Variants in C1orf185 observed in about 807,000 individuals in gnomAD.
C1orf185 encodes the protein chromosome 1 open reading frame 185, also known as uncharacterized protein C1orf185.
In C1orf185, 13 loss-of-function variants were observed where a neutral mutation model predicts 16.1. That is an observed-to-expected ratio of 0.81 (90% CI 0.53 to 1.28). The LOEUF is 1.28. C1orf185 is among the 50% of genes most tolerant of loss of function. The pLI is 0.00. For missense variants in C1orf185, 220 were observed against 225.2 expected (o/e 0.98, Z 0.15); for synonymous variants, 80 against 76.9 (o/e 1.04, Z -0.21).
rs141871999 is a variant in C1orf185 at position 51,139,435 on chromosome 1, C to A, written c.259-6289C>A. Among the ~76,000 whole-genome samples the A allele has an allele frequency of 3.9e-3, 596 of 152,174 alleles. 1 individual carries two copies. The highest frequency in any genetic ancestry group is 0.014 in the African/African-American group (573 of 41,518). The stretch of plus-strand genomic sequence containing the variant: ...TCTTTCCTATACTGTGCTGTCAGAC[C>A]TTTGTATCAAGGTTATGCTAGGTTC... On this transcript the variant is annotated intron_variant, in intron 3 of 4. Coordinates refer to ENST00000371759, the MANE Select transcript of C1orf185 (RefSeq NM_001136508.2).
intron 3 of C1orf185, chr1:51,129,791 G>C (rs1646269730): frequency 6.6e-6 from 1 of 152,196 alleles, no homozygotes; most frequent in Non-Finnish European, 1.5e-5. Context: ...AGCAGAGAGA[G>C]CAAGAGCGCA....
At chr1:51,136,307 C>G (rs758334194) in intron 3 of C1orf185, among the ~76,000 whole-genome samples, 5 of 151,088 alleles carry the variant, frequency 3.3e-5, no homozygotes, top group Non-Finnish European at 7.4e-5. Flanking sequence ...GAAAAAAAAT[C>G]ATTTTATTTT....
intron 3 of C1orf185, among the ~76,000 whole-genome samples, chr1:51,126,048 C>T (rs1008661567): frequency 2.6e-5 from 4 of 152,074 alleles, no homozygotes; most frequent in Non-Finnish European, 4.4e-5. Flanking sequence ...GTCCCTGTTC[C>T]TCAACTCAAG....
chr1:51,148,891 C>T (rs762406739), downstream of C1orf185, among the ~76,000 whole-genome samples: 6 of 151,986 alleles, frequency 3.9e-5, no homozygotes, highest in African/African-American at 7.3e-5. Flanking sequence ...TATGCCACTG[C>T]GCTCCAGCAG....
chr1:51,118,635 TTAA>T (rs1646174743), intron 2 of C1orf185, 28 bp from the exon 3 acceptor site: 2 of 1,228,758 alleles, frequency 1.6e-6, no homozygotes, highest in Non-Finnish European at 1.1e-6. Context: ...TAACTCAGGT[TTAA>T]TAATATTCTT....
At chr1:51,103,691 G>T (rs945414140) in intron 1 of C1orf185, among the ~76,000 whole-genome samples, 1 of 151,926 alleles carries the variant, frequency 6.6e-6, no homozygotes, top group Non-Finnish European at 1.5e-5. Flanking sequence ...CCACCATCAC[G>T]ACTGGTTAAT....
chr1:51,140,923 T>C (rs2148031442), intron 3 of C1orf185, among the ~76,000 whole-genome samples: 1 of 152,334 alleles, frequency 6.6e-6, no homozygotes, highest in South Asian at 2.1e-4. Flanking sequence ...CAAAGAACTG[T>C]ATACTTGTTT....
intron 1 of C1orf185, among the ~76,000 whole-genome samples, chr1:51,109,761 T>C (rs191189232): frequency 6.6e-6 from 1 of 152,210 alleles, no homozygotes; most frequent in South Asian, 2.1e-4. Context: ...TTCTGTTTTT[T>C]ATGCCAATGC....
intron 3 of C1orf185, among the ~76,000 whole-genome samples, chr1:51,121,249 C>T (rs1245928359): frequency 6.6e-6 from 1 of 152,042 alleles, no homozygotes; most frequent in Admixed American, 6.6e-5. Context: ...TGACCAACAT[C>T]TCCTCTGTCA....
chr1:51,103,829 C>A (rs893559901), intron 1 of C1orf185, among the ~76,000 whole-genome samples: 3 of 152,176 alleles, frequency 2.0e-5, no homozygotes, highest in African/African-American at 7.2e-5. Context: ...GCCACTGCAC[C>A]CAGCCATTAT....
At position 51,147,715 on chromosome 1, in the gene C1orf185, CT is replaced by C. The variant is rs1282900236; in HGVS notation, c.545del (p.Leu182ArgfsTer6). 1 of 1,550,798 alleles carries C rather than the reference CT, an allele frequency of 6.4e-7. No homozygotes were observed. Among genetic ancestry groups the C allele is most frequent in the East Asian group, 2.4e-5 (1 of 40,890 alleles). On this transcript the variant is annotated frameshift_variant, in exon 5 of 5. Coordinates refer to ENST00000371759, the MANE Select transcript of C1orf185 (RefSeq NM_001136508.2). LOFTEE classifies it high-confidence loss of function. ...TCTAATGGAAAAAGTATTTTCATACCTGTCAACCATTTCATTAGAAGAGGGT... is the reference window on the plus strand; with the variant it reads ...TCTAATGGAAAAAGTATTTTCATACCGTCAACCATTTCATTAGAAGAGGGT... ...EPLMEKVFSY[L>X]STISLEEGTE... is the part of the protein sequence containing the mutation.
In C1orf185 at chr1:51,112,452, T is replaced by G. The variant is rs1390673661; in HGVS notation, c.17-12T>G. ...CATGCATGAAATAATCTTTTGTAAT[T>G]TGTTTGTATAGGTTTTTTTAATTAC... On this transcript the variant is annotated splice_polypyrimidine_tract_variant and intron_variant, in intron 1 of 4. Coordinates refer to ENST00000371759, the MANE Select transcript of C1orf185 (RefSeq NM_001136508.2). 2 of 1,516,358 alleles carry G rather than the reference T, an allele frequency of 1.3e-6. No individual in the cohort carries two copies. Among genetic ancestry groups the G allele is most frequent in the African/African-American group, 1.4e-5 (1 of 71,242 alleles). The allele number at this position is 1,516,358 out of a possible 1,614,324, so 93.9% of individuals were successfully genotyped here.
intron 2 of C1orf185, among the ~76,000 whole-genome samples, chr1:51,114,617 G>A (rs1557644313): frequency 6.6e-6 from 1 of 152,222 alleles, no homozygotes; most frequent in East Asian, 1.9e-4. Context: ...CAGCTACCTG[G>A]GAGGCTGAGA....
At chr1:51,117,876 C>T (rs1198001067) in intron 2 of C1orf185, among the ~76,000 whole-genome samples, 3 of 152,090 alleles carry the variant, frequency 2.0e-5, no homozygotes, top group Non-Finnish European at 2.9e-5. Context: ...GAAAAGATTA[C>T]GGTACTCTTC....
At chr1:51,127,657 A>G (rs1286950634) in intron 3 of C1orf185, among the ~76,000 whole-genome samples, 1 of 151,988 alleles carries the variant, frequency 6.6e-6, no homozygotes, top group Non-Finnish European at 1.5e-5. Context: ...TATATCTTTT[A>G]TGTCTGATTA....
At chr1:51,135,677 A>G (rs574115089) in intron 3 of C1orf185, among the ~76,000 whole-genome samples, 1 of 152,368 alleles carries the variant, frequency 6.6e-6, no homozygotes, top group South Asian at 2.1e-4. Context: ...AGAGCCATCT[A>G]TGACAAACCC....
chr1:51,120,703 TA>T (rs1646191574), intron 3 of C1orf185, among the ~76,000 whole-genome samples: 1 of 152,246 alleles, frequency 6.6e-6, no homozygotes, highest in Non-Finnish European at 1.5e-5. Context: ...TGCTAGGTAC[TA>T]ATGATATAAT....
chr1:51,112,816 C>CTTTTTTT (rs202031236), intron 2 of C1orf185, among the ~76,000 whole-genome samples: 1 of 142,790 alleles, frequency 7.0e-6, no homozygotes, highest in African/African-American at 2.6e-5. Context: ...ACTTTCTTTT[C>CTTTTTTT]TTTTTTTTTT....
intron 1 of C1orf185, among the ~76,000 whole-genome samples, chr1:51,103,838 A>G (rs1646051105): frequency 1.3e-5 from 2 of 152,122 alleles, no homozygotes; most frequent in South Asian, 4.1e-4. Flanking sequence ...CCCAGCCATT[A>G]TGTTATTAAT....
Sources: gnomAD v4.1 joint callset for allele counts (sites outside exome capture counted in the v4.1 genomes callset) on GRCh38, gnomAD v4.1.1 for gene constraint, MANE v1.5 for transcripts, NCBI Gene and HGNC (gene_info 2026-07-23, HGNC 2026-07-21) for gene names.